The following PPIP5K2 variants were observed in gnomAD, a reference collection of about 807,000 sequenced individuals.
The protein encoded by PPIP5K2 is diphosphoinositol pentakisphosphate kinase 2, also known as inositol hexakisphosphate and diphosphoinositol-pentakisphosphate kinase 2.
In PPIP5K2, 105 loss-of-function variants were observed where a neutral mutation model predicts 154.6. The observed-to-expected ratio is 0.68, with a 90% CI of 0.58 to 0.80. PPIP5K2 has a LOEUF of 0.80. PPIP5K2 is among the 30% of genes least tolerant of loss of function. PPIP5K2 has a pLI of 0.00. For synonymous variants in PPIP5K2, 480 were observed against 490.3 expected, an observed-to-expected ratio of 0.98 and a Z score of 0.28; for missense variants, 992 against 1,504.6, an observed-to-expected ratio of 0.66 and a Z score of 5.64.
chr5:103,142,502 C>T (rs903522925), intron 5 of PPIP5K2, among the ~76,000 whole-genome samples: 34 of 152,236 alleles, frequency 2.2e-4, no homozygotes, highest in African/African-American at 7.7e-4. Flanking sequence ...AGCGGCGGGA[C>T]GAAGGGCTCC....
In PPIP5K2 at chr5:103,209,059, G is replaced by A. The variant is rs1460572895; in HGVS notation, c.*7425G>A. 1.3e-5 allele frequency: 2 copies of A among 152,172 alleles called. No individual in the cohort carries two copies. The highest frequency in any genetic ancestry group is 3.9e-4 in the East Asian group (2 of 5,194). 9.4% of individuals were successfully genotyped at this position (152,172 alleles called of 1,614,324 possible). A position where few individuals can be genotyped will look rare whatever the true frequency, so the allele number is the denominator to read the frequency against. On this transcript the variant is annotated 3_prime_UTR_variant, in exon 31 of 31. Transcript: ENST00000358359. ...ATCTCAATTATATTTTAAAAATGAA[G>A]TTAATATCTGTCCTGCTAACAGTAG...
chr5:103,133,850 T>C (rs1190302258), intron 3 of PPIP5K2, among the ~76,000 whole-genome samples: 2 of 152,176 alleles, frequency 1.3e-5, no homozygotes, highest in African/African-American at 4.8e-5. Flanking sequence ...ATAGTGTATG[T>C]GTAATTTTAT....
At chr5:103,184,609 G>T in intron 25 of PPIP5K2, 63 bp from the exon 26 acceptor site, 1 of 1,260,866 alleles carries the variant, frequency 7.9e-7, no homozygotes, top group South Asian at 1.2e-5. Context: ...GGCTGCATAT[G>T]AAGTATAGAC....
chr5:103,150,843 C>CTTTTTTTTT (rs377739666), intron 8 of PPIP5K2, among the ~76,000 whole-genome samples: 4 of 68,062 alleles, frequency 5.9e-5, no homozygotes, highest in African/African-American at 1.7e-4. Context: ...GTCCATCCTC[C>CTTTTTTTTT]TTTTTTTTTT....
At chr5:103,194,352 C>T (rs1554227786) in intron 29 of PPIP5K2, among the ~76,000 whole-genome samples, 1 of 152,104 alleles carries the variant, frequency 6.6e-6, no homozygotes, top group East Asian at 1.9e-4. Flanking sequence ...TGAGGCCTCC[C>T]TGTGTTGCCC....
intron 3 of PPIP5K2, chr5:103,136,037 T>A (rs1398582762): frequency 6.9e-6 from 1 of 145,870 alleles, no homozygotes; most frequent in Non-Finnish European, 1.5e-5. Context: ...AATGGCACGA[T>A]CTCCACTCAC....
Position 103,211,531 on chromosome 5 carries a change from A to AAAATATC in PPIP5K2, c.*9899_*9905dup, listed in dbSNP as rs1223768441. ...TGTTAGCCTTGGAGATTCTACCTTA[A>AAAATATC]AAATATCATTGAGAAAGCTCAGAGA... On this transcript the variant is annotated 3_prime_UTR_variant, in exon 31 of 31. Coordinates refer to ENST00000358359, the MANE Select transcript of PPIP5K2 (RefSeq NM_001276277.3). 1.3e-5 allele frequency: 2 copies of AAAATATC among 152,106 alleles called. No individual in the cohort carries two copies. Among genetic ancestry groups the AAAATATC allele is most frequent in the Non-Finnish European group, 2.9e-5 (2 of 67,972 alleles). 9.4% of individuals were successfully genotyped at this position (152,106 alleles called of 1,614,324 possible).
At chr5:103,187,586 A>G (rs1800598124) in intron 28 of PPIP5K2, among the ~76,000 whole-genome samples, 1 of 152,120 alleles carries the variant, frequency 6.6e-6, no homozygotes, top group African/African-American at 2.4e-5. Flanking sequence ...AACATTACTC[A>G]TCAAACTTTT....
intron 1 of PPIP5K2, among the ~76,000 whole-genome samples, chr5:103,125,499 A>T (rs1234655296): frequency 1.3e-5 from 2 of 151,102 alleles, no homozygotes; most frequent in African/African-American, 4.9e-5. Context: ...TCTCTCATAT[A>T]CTAAAGTGGA....
In PPIP5K2 at chr5:103,149,193, A is replaced by G. The variant is rs1794211630; in HGVS notation, c.786A>G (p.Arg262=). Residue 262 remains arginine, a synonymous_variant, in exon 8 of 31, where the codon CGA becomes CGG. Coordinates refer to ENST00000358359, the MANE Select transcript of PPIP5K2 (RefSeq NM_001276277.3). Reference sequence around the variant, plus strand: ...CAGATTATGCCCATGCTGAAGCTCGAAAATCTCCAGCACTTGATGGCAAGG... The same window carrying G: ...CAGATTATGCCCATGCTGAAGCTCGGAAATCTCCAGCACTTGATGGCAAGG... ...VGPDYAHAEA[R]KSPALDGKVE... is the part of the protein sequence containing the mutation. The G allele has an allele frequency of 6.2e-7, 1 of 1,613,976 alleles. No homozygotes were observed. Among genetic ancestry groups the G allele is most frequent in the African/African-American group, 1.3e-5 (1 of 75,058 alleles).
rs1554230459 is a variant in PPIP5K2 at position 103,201,604 on chromosome 5, A to C, written c.3702A>C (p.Glu1234Asp). The C allele has an allele frequency of 1.2e-6, 2 of 1,607,462 alleles. No homozygotes were observed. Among genetic ancestry groups the C allele is most frequent in the South Asian group, 2.2e-5 (2 of 89,946 alleles). The change falls in exon 31 of 31, where the codon GAA (glutamate) becomes GAC (aspartate). Residue 1234 changes from glutamate to aspartate, a missense_variant. Physicochemically the swap from Glu to Asp is conservative, Grantham distance 45. Transcript: ENST00000358359. ...TAACTAGCAAAACAGAAACGCATGA[A>C]CACAAAAAAAACACTGGGAAAAAGA... ...KNITSKTETHEHKKNTGKKK is the reference protein window; with the variant it reads ...KNITSKTETHDHKKNTGKKK
chr5:103,184,679 C>T lies in PPIP5K2; in HGVS notation c.3104C>T (p.Ser1035Phe). 1 of 1,610,832 alleles carries T rather than the reference C, an allele frequency of 6.2e-7. No individual in the cohort carries two copies. Among genetic ancestry groups the T allele is most frequent in the Non-Finnish European group, 8.5e-7 (1 of 1,177,382 alleles). Residue 1035 changes from serine to phenylalanine, a missense_variant, in exon 26 of 31, where the codon TCT (serine) becomes TTT (phenylalanine). Ser to Phe is a radical substitution (Grantham distance 155). This residue lies in a region of PPIP5K2 where 204 missense variants were observed against 224.0 expected (regional missense o/e 0.91). Coordinates refer to ENST00000358359, the MANE Select transcript of PPIP5K2 (RefSeq NM_001276277.3). Reference sequence around the variant, plus strand: ...TTTGGATTCCTTATGCAGGTTGTATCTGAAAATGCTAATTACCTGAGAACA... The same window carrying T: ...TTTGGATTCCTTATGCAGGTTGTATTTGAAAATGCTAATTACCTGAGAACA... ...SIFGSWQQVVSENANYLRTPR... is the reference protein window; with the variant it reads ...SIFGSWQQVVFENANYLRTPR...
chr5:103,155,801 G>C, intron 13 of PPIP5K2, 108 bp from the exon 14 acceptor site: 1 of 753,392 alleles, frequency 1.3e-6, no homozygotes, highest in Admixed American at 2.6e-5. Flanking sequence ...TTTTTTGATA[G>C]AATATTTCGA....
Position 103,204,880 on chromosome 5 carries a change from A to G in PPIP5K2, c.*3246A>G, listed in dbSNP as rs782788692. 15 of 151,940 alleles carry G rather than the reference A, an allele frequency of 9.9e-5. No individual in the cohort carries two copies. The highest frequency in any genetic ancestry group is 2.2e-4 in the Non-Finnish European group (15 of 68,002). The allele number at this position is 151,940 out of a possible 1,614,324, so 9.4% of individuals were successfully genotyped here. A position where few individuals can be genotyped will look rare whatever the true frequency, so the allele number is the denominator to read the frequency against. On this transcript the variant is annotated 3_prime_UTR_variant, in exon 31 of 31. Transcript: ENST00000358359. ...ACTGAGTTTTTTTTTTAATACTGTAAGTTCTAGGGTACATGTGCACAATGT... is the reference window on the plus strand; with the variant it reads ...ACTGAGTTTTTTTTTTAATACTGTAGGTTCTAGGGTACATGTGCACAATGT...
intron 8 of PPIP5K2, among the ~76,000 whole-genome samples, chr5:103,150,224 G>A (rs1368994333): frequency 2.0e-5 from 3 of 152,084 alleles, no homozygotes; most frequent in Non-Finnish European, 4.4e-5. Flanking sequence ...AATTTGAAGT[G>A]TCTTTCATGG....
intron 15 of PPIP5K2, 26 bp from the exon 16 acceptor site, chr5:103,158,426 G>A (rs1554214424): frequency 6.3e-7 from 1 of 1,596,706 alleles, no homozygotes; most frequent in African/African-American, 1.4e-5. Flanking sequence ...AAATATAGCT[G>A]AAGTGATTTG....
In PPIP5K2 at chr5:103,152,993, G is replaced by A. The variant is rs180999510; in HGVS notation, c.1130+244G>A. Among the ~76,000 whole-genome samples the A allele has an allele frequency of 2.3e-3, 350 of 151,838 alleles. 2 individuals carry two copies. Among genetic ancestry groups the A allele is most frequent in the African/African-American group, 8.3e-3 (343 of 41,470 alleles). On this transcript the variant is annotated intron_variant, in intron 10 of 30. Transcript: ENST00000358359. Reference sequence around the variant, plus strand: ...TAATCAAGCCATAAAAATAAAAAAGGTACCAATAGGAATGTTACTTAAAGG... The same window carrying A: ...TAATCAAGCCATAAAAATAAAAAAGATACCAATAGGAATGTTACTTAAAGG...
rs1368886273 is a variant in PPIP5K2, at chr5:103,180,107, G to A, written c.2841G>A (p.Leu947=). Residue 947 remains leucine, a synonymous_variant, in exon 24 of 31, where the codon TTG becomes TTA. Coordinates refer to ENST00000358359, the MANE Select transcript of PPIP5K2 (RefSeq NM_001276277.3). The part of the protein sequence containing the change: ...KRDEVDRAVI[L]FKPMVSEPIH... The stretch of plus-strand genomic sequence containing the variant: ...ATGAAGTTGATCGAGCTGTGATATT[G>A]TTTAAACCAATGGTATCAGAGCCAA... 8.1e-6 allele frequency: 13 copies of A among 1,604,926 alleles called. No homozygotes were observed. Among genetic ancestry groups the A allele is most frequent in the Non-Finnish European group, 1.1e-5 (13 of 1,176,476 alleles).
In PPIP5K2 at chr5:103,186,434, T is replaced by C; in HGVS notation, c.3284T>C (p.Ile1095Thr). The change falls in exon 27 of 31, where the codon ATA (isoleucine) becomes ACA (threonine). Residue 1095 changes from isoleucine to threonine, a missense_variant. By Grantham distance (89) the Ile-to-Thr change is moderately conservative. This residue lies in a region of PPIP5K2 where 204 missense variants were observed against 224.0 expected (regional missense o/e 0.91). Coordinates refer to ENST00000358359, the MANE Select transcript of PPIP5K2 (RefSeq NM_001276277.3). ...AAAAAGCTGACCTCTTCTGGCTGCA[T>C]AGATGGTATGTGCACACATGCACAC... ...HRKKLTSSGC[I>T]DDATRGSAVK... The C allele has an allele frequency of 1.9e-6, 3 of 1,613,860 alleles. No individual in the cohort carries two copies. Among genetic ancestry groups the C allele is most frequent in the South Asian group, 1.1e-5 (1 of 91,080 alleles).
Sources: allele counts gnomAD v4.1 joint callset (sites outside exome capture counted in the v4.1 genomes callset), GRCh38; gene constraint gnomAD v4.1.1; regional missense constraint gnomAD v4.1.1; transcripts MANE v1.5; gene names NCBI Gene and HGNC (gene_info 2026-07-23, HGNC 2026-07-21).